FUZ: variants seen among roughly 807,000 people sequenced by gnomAD.
The protein encoded by FUZ is protein fuzzy homolog.
Under a neutral mutation model 43.1 loss-of-function variants are expected in FUZ, and 31 were observed. That is an observed-to-expected ratio of 0.72 (90% CI 0.54 to 0.97). The LOEUF (loss-of-function observed/expected upper bound fraction) is 0.97, where lower values mean the gene tolerates loss of function less well. Ranked by LOEUF, FUZ falls within the 50% of genes least tolerant of loss-of-function variation. The pLI, the probability that FUZ is intolerant of heterozygous loss-of-function variation, is 0.00. For synonymous variants in FUZ, 274 were observed against 250.0 expected (o/e 1.10, Z -0.91); for missense variants, 539 against 543.8 (o/e 0.99, Z 0.09).
Position 49,808,504 on chromosome 19 carries a change from G to A in FUZ, c.959-16C>T. 6.2e-7 allele frequency: 1 copy of A among 1,608,988 alleles called. No homozygotes were observed. The highest frequency in any genetic ancestry group is 1.1e-5 in the South Asian group (1 of 90,276). On this transcript the variant is annotated splice_polypyrimidine_tract_variant and intron_variant, in intron 9 of 10. Coordinates refer to ENST00000313777, the MANE Select transcript of FUZ (RefSeq NM_025129.5). ...GGTGAAGGCTCTGCTGGGAGGAAAAGGCGGTGATGCAGAGCGCCTCCCCGG... is the reference window on the plus strand; with the variant it reads ...GGTGAAGGCTCTGCTGGGAGGAAAAAGCGGTGATGCAGAGCGCCTCCCCGG...
chr19:49,807,122 G>C lies in FUZ; in HGVS notation c.*29C>G, dbSNP rs1350894125. 3.1e-6 allele frequency: 5 copies of C among 1,600,138 alleles called. No individual in the cohort carries two copies. In the African/African-American group the frequency reaches 6.8e-5, roughly 22 times the overall value. On this transcript the variant is annotated 3_prime_UTR_variant, in exon 11 of 11. Transcript: ENST00000313777. ...AACAGAGAGACGCTAACAGCCCCAT[G>C]TCTGTGTCCATCACCCACTGCTAGG...
Position 49,809,198 on chromosome 19 carries a change from C to T in FUZ, c.751G>A (p.Gly251Arg). The T allele has an allele frequency of 3.2e-6, 5 of 1,551,564 alleles. No individual in the cohort carries two copies. The highest frequency in any genetic ancestry group is 2.0e-5 in the Admixed American group (1 of 51,008). ...AACTGGCTGAGGGGTGGGCTCGGCCCGCAGAGTAGACACAGCTCCAGGCTC... is the reference window on the plus strand; with the variant it reads ...AACTGGCTGAGGGGTGGGCTCGGCCTGCAGAGTAGACACAGCTCCAGGCTC... Reference protein sequence around the residue: ...LPSLELCLLCGPSPPLSQLYP... With the variant: ...LPSLELCLLCRPSPPLSQLYP... The change falls in exon 7 of 11, where the codon GGG becomes AGG. Residue 251 changes from glycine (G) to arginine (R), a missense_variant. Physicochemically the swap from Gly to Arg is moderately radical, Grantham distance 125. Transcript: ENST00000313777. This position sits in a 1 kb window ranked among gnomAD's most constrained non-coding sequence, Gnocchi z 5.1.
rs542561459 is a variant in FUZ at position 49,809,008 on chromosome 19, G to A, written c.786+155C>T. 6.5e-3 allele frequency: 5,866 copies of A among 899,378 alleles called. 32 individuals are homozygous for A. The highest frequency in any genetic ancestry group is 9.0e-3 in the Non-Finnish European group (5,076 of 562,380). The allele number at this position is 899,378 out of a possible 1,614,324, so 55.7% of individuals were successfully genotyped here. A position where few individuals can be genotyped will look rare whatever the true frequency, so the allele number is the denominator to read the frequency against. On this transcript the variant is annotated intron_variant, in intron 7 of 10. Transcript: ENST00000313777. This position sits in a 1 kb window ranked among gnomAD's most constrained non-coding sequence, Gnocchi z 5.1. ...CCTGGAAGAATAGAGGCAGAGGCGG[G>A]AGCGGCCGATCTTGGCGGGTAGGTG...
At chr19:49,811,780 C>T in intron 3 of FUZ, 81 bp from the exon 4 acceptor site, 1 of 1,174,668 alleles carries the variant, frequency 8.5e-7, no homozygotes, top group Non-Finnish European at 1.3e-6. Flanking sequence ...GGCTGGGACT[C>T]CCACTTCTGG....
chr19:49,808,321 G>A (rs748265542), intron 10 of FUZ, 93 bp downstream of exon 10: 20 of 1,324,946 alleles, frequency 1.5e-5, no homozygotes, highest in Middle Eastern at 2.2e-4. Flanking sequence ...GGGTTCCTCC[G>A]GATCCTCCAA....
At chr19:49,811,285 TG>T in intron 5 of FUZ, 77 bp downstream of exon 5, 1 of 967,906 alleles carries the variant, frequency 1.0e-6, no homozygotes, top group Non-Finnish European at 1.6e-6. Flanking sequence ...GTTGGGACAA[TG>T]GTCCAGAAGA....
In FUZ at chr19:49,813,209, G is replaced by A; in HGVS notation, c.-103C>T. The A allele has an allele frequency of 1.0e-6, 1 of 1,002,430 alleles. No homozygotes were observed. Among genetic ancestry groups the A allele is most frequent in the Non-Finnish European group, 1.5e-6 (1 of 648,210 alleles). The allele number at this position is 1,002,430 out of a possible 1,614,324, so 62.1% of individuals were successfully genotyped here. On this transcript the variant is annotated 5_prime_UTR_variant, in exon 1 of 11. Coordinates refer to ENST00000313777, the MANE Select transcript of FUZ (RefSeq NM_025129.5). ...GGCCTGTGGTCCGGAGCCGCCAGAGGGCGAGATGGGGAGCTGATTGGAAGA... is the reference window on the plus strand; with the variant it reads ...GGCCTGTGGTCCGGAGCCGCCAGAGAGCGAGATGGGGAGCTGATTGGAAGA...
Position 49,812,731 on chromosome 19 carries a change from C to A in FUZ, c.117G>T (p.Pro39=). Reference sequence around the variant, plus strand: ...CATTGAGGGAACCGATGACAGAGAACGGGAGCTAAGGAGGGGTTAGGGACA... The same window carrying A: ...CATTGAGGGAACCGATGACAGAGAAAGGGAGCTAAGGAGGGGTTAGGGACA... ...RGGAPARQQL[P]FSVIGSLNGV... is the part of the protein sequence containing the mutation. Residue 39 remains proline (P), a synonymous_variant, in exon 2 of 11, where the codon CCG becomes CCT. Transcript: ENST00000313777. The A allele has an allele frequency of 6.2e-7, 1 of 1,613,952 alleles. No homozygotes were observed. The highest frequency in any genetic ancestry group is 1.1e-5 in the South Asian group (1 of 91,088).
chr19:49,809,340 A>C lies in FUZ; in HGVS notation c.690+38T>G. The C allele has an allele frequency of 6.5e-7, 1 of 1,546,334 alleles. No individual in the cohort carries two copies. Among genetic ancestry groups the C allele is most frequent in the South Asian group, 1.2e-5 (1 of 84,018 alleles). ...CCCGCCTCCTCGCGACTCGGCCCCC[A>C]GGTCACATCCCTCCGTCGGTGCCCG... is the stretch of plus-strand genomic sequence containing the variant. On this transcript the variant is annotated intron_variant, in intron 6 of 10. Transcript: ENST00000313777. The surrounding 1 kb of genome is among the most constrained non-coding windows in gnomAD (Gnocchi z 5.1).
rs150050742 is a variant in FUZ at position 49,807,373 on chromosome 19, C to T, written c.1035G>A (p.Glu345=). 6.8e-5 allele frequency: 109 copies of T among 1,611,294 alleles called. 1 individual carries two copies. Among genetic ancestry groups the T allele is most frequent in the Non-Finnish European group, 4.1e-5 (48 of 1,179,000 alleles). The change falls in exon 11 of 11, where the codon GAG becomes GAA. Residue 345 remains glutamate (E), a splice_region_variant and synonymous_variant. Coordinates refer to ENST00000313777, the MANE Select transcript of FUZ (RefSeq NM_025129.5). ...CTTCTGTCTTCTCTGGTGGCCCTGG[C>T]TCTGGAGAAAGAACAGGGGGCACTG... ...TLVTSTHFPP[E]PGPPEKTEDE...
chr19:49,812,762 C>A, intron 1 of FUZ, 26 bp from the exon 2 acceptor site: 1 of 1,611,896 alleles, frequency 6.2e-7, no homozygotes. Flanking sequence ...GGACATCAGA[C>A]AAGAGCACCC....
At position 49,807,152 on chromosome 19, in the gene FUZ, CAAA is replaced by C. The variant is rs1568595114; in HGVS notation, c.1253_1255del (p.Leu418_Ter419delinsArg). The C allele has an allele frequency of 6.2e-7, 1 of 1,612,882 alleles. No homozygotes were observed. The highest frequency in any genetic ancestry group is 8.5e-7 in the Non-Finnish European group (1 of 1,179,768). ...TGTCCATCACCCACTGCTAGGTAGTCAAAGAAGTGGGGTGAGGGCATGCAGAGT... is the reference window on the plus strand; with the variant it reads ...TGTCCATCACCCACTGCTAGGTAGTCGAAGTGGGGTGAGGGCATGCAGAGT... On this transcript the variant is annotated stop_lost and inframe_deletion, in exon 11 of 11. Transcript: ENST00000313777.
intron 10 of FUZ, 92 bp downstream of exon 10, chr19:49,808,322 G>T: frequency 7.5e-7 from 1 of 1,334,992 alleles, no homozygotes; most frequent in Middle Eastern, 2.2e-4. Context: ...GGTTCCTCCG[G>T]ATCCTCCAAC....
In FUZ at chr19:49,809,840, G is replaced by A. The variant is rs2073672439; in HGVS notation, c.493-265C>T. 1.8e-6 allele frequency: 1 copy of A among 562,160 alleles called. No individual in the cohort carries two copies. Among genetic ancestry groups the A allele is most frequent in the Non-Finnish European group, 3.2e-6 (1 of 311,476 alleles). The allele number at this position is 562,160 out of a possible 1,614,324, so 34.8% of individuals were successfully genotyped here. A position where few individuals can be genotyped will look rare whatever the true frequency, so the allele number is the denominator to read the frequency against. ...AACTGAAGCTAATAATGTAACCGCA[G>A]CAGCTACCGTTCATCCAGGCCTGTT... On this transcript the variant is annotated intron_variant, in intron 5 of 10. Transcript: ENST00000313777. This position sits in a 1 kb window ranked among gnomAD's most constrained non-coding sequence, Gnocchi z 5.1.
In FUZ at chr19:49,807,193, G is replaced by A; in HGVS notation, c.1215C>T (p.Ser405=). Residue 405 remains serine (S), a synonymous_variant, in exon 11 of 11, where the codon AGC becomes AGT. Coordinates refer to ENST00000313777, the MANE Select transcript of FUZ (RefSeq NM_025129.5). ...GGGCATGCAGAGTGTGGGTGGCCAG[G>A]CTTCGCAGCCCATGGGTGGGACTCT... The part of the protein sequence containing the change: ...SPQSPTHGLR[S]LATHTLHALT... The A allele has an allele frequency of 3.1e-6, 5 of 1,613,372 alleles. No individual in the cohort carries two copies. Among genetic ancestry groups the A allele is most frequent in the Non-Finnish European group, 4.2e-6 (5 of 1,179,842 alleles).
Position 49,809,353 on chromosome 19 carries a change from C to T in FUZ, c.690+25G>A. The stretch of plus-strand genomic sequence containing the variant: ...GACTCGGCCCCCAGGTCACATCCCT[C>T]CGTCGGTGCCCGCCACCCACTCACC... On this transcript the variant is annotated intron_variant, in intron 6 of 10. Coordinates refer to ENST00000313777, the MANE Select transcript of FUZ (RefSeq NM_025129.5). This position sits in a 1 kb window ranked among gnomAD's most constrained non-coding sequence, Gnocchi z 5.1. The T allele has an allele frequency of 6.5e-7, 1 of 1,545,230 alleles. No homozygotes were observed. The highest frequency in any genetic ancestry group is 1.4e-5 in the African/African-American group (1 of 73,168).
At position 49,812,713 on chromosome 19, in the gene FUZ, G is replaced by A. The variant is rs771366369; in HGVS notation, c.135C>T (p.Ser45=). The change falls in exon 2 of 11, where the codon TCC becomes TCT. Residue 45 remains serine, a synonymous_variant. Transcript: ENST00000313777. ...RQQLPFSVIG[S]LNGVHMFGQN... The stretch of plus-strand genomic sequence containing the variant: ...GCCCAAACATGTGGACTCCATTGAG[G>A]GAACCGATGACAGAGAACGGGAGCT... The A allele has an allele frequency of 6.2e-7, 1 of 1,614,076 alleles. No homozygotes were observed. Among genetic ancestry groups the A allele is most frequent in the East Asian group, 2.2e-5 (1 of 44,872 alleles).
At chr19:49,810,678 CAAAAA>C (rs34752826) in intron 5 of FUZ, among the ~76,000 whole-genome samples, 3 of 90,538 alleles carry the variant, frequency 3.3e-5, no homozygotes, top group East Asian at 3.0e-4. Context: ...GACTCTGTCT[CAAAAA>C]AAAAAAAAAA....
chr19:49,808,614 CA>C lies in FUZ; in HGVS notation c.917del (p.Leu306ArgfsTer137). The C allele has an allele frequency of 6.2e-7, 1 of 1,613,322 alleles. No homozygotes were observed. The highest frequency in any genetic ancestry group is 1.3e-5 in the African/African-American group (1 of 75,054). On this transcript the variant is annotated frameshift_variant, in exon 9 of 11. Coordinates refer to ENST00000313777, the MANE Select transcript of FUZ (RefSeq NM_025129.5). LOFTEE classifies it high-confidence loss of function. Reference protein sequence around the residue: ...ILGLLLLHLELKRCLFTVEPL... With the variant: ...ILGLLLLHLEXKRCLFTVEPL... The stretch of plus-strand genomic sequence containing the variant: ...GCTCCACGGTGAAGAGGCAGCGCTT[CA>C]GTTCCAGGTGGAGGAGCAGCAGCCT...
Sources: gnomAD v4.1 joint callset for allele counts (sites outside exome capture counted in the v4.1 genomes callset) on GRCh38, gnomAD v4.1.1 for gene constraint, Gnocchi (gnomAD v3.1) non-coding constraint, MANE v1.5 for transcripts, NCBI Gene and HGNC (gene_info 2026-07-23, HGNC 2026-07-21) for gene names.